Variants in CDON observed in about 807,000 individuals in gnomAD.
CDON encodes cell adhesion molecule-related/down-regulated by oncogenes.
A neutral mutation model predicts 120.9 loss-of-function variants in CDON; 73 were observed. The observed-to-expected ratio is 0.60, with a 90% confidence interval of 0.50 to 0.73. The LOEUF is 0.73. CDON is among the 30% of genes least tolerant of loss of function. CDON has a pLI of 0.00. For missense variants in CDON, 1,470 were observed against 1,587.3 expected, an observed-to-expected ratio of 0.93 and a Z score of 1.26; for synonymous variants, 566 against 573.5, an observed-to-expected ratio of 0.99 and a Z score of 0.19.
chr11:125,964,990 G>A lies in CDON; in HGVS notation c.3357-2992C>T, dbSNP rs373073714. Among the ~76,000 whole-genome samples the A allele has an allele frequency of 2.0e-4, 31 of 152,264 alleles. No individual in the cohort carries two copies. In the East Asian group the frequency reaches 2.9e-3, roughly 14 times the overall value. On this transcript the variant is annotated intron_variant, in intron 18 of 19. Coordinates refer to ENST00000531738, the MANE Select transcript of CDON (RefSeq NM_001378964.1). ...TGCCCAGGCTGGAGTGCAATGGAGT[G>A]ATCTCAGTTCACTGCAACCTCCGCC...
intron 1 of CDON, among the ~76,000 whole-genome samples, chr11:126,054,292 C>A (rs180974793): frequency 5.5e-4 from 83 of 152,238 alleles, no homozygotes; most frequent in African/African-American, 1.5e-3. Context: ...TACAAAAAGA[C>A]AAAACATGAC....
chr11:126,007,943 G>A (rs1947174329), intron 8 of CDON, among the ~76,000 whole-genome samples: 1 of 152,156 alleles, frequency 6.6e-6, no homozygotes, highest in Admixed American at 6.5e-5. Context: ...TTTTAAGGTA[G>A]AATGTTTTTT....
intron 15 of CDON, among the ~76,000 whole-genome samples, chr11:125,985,751 C>A (rs1170136073): frequency 6.6e-6 from 1 of 152,076 alleles, no homozygotes; most frequent in Admixed American, 6.5e-5. Context: ...AAATGCAAAT[C>A]AAAACCACAA....
intron 1 of CDON, among the ~76,000 whole-genome samples, chr11:126,053,204 T>C (rs1591436639): frequency 6.6e-6 from 1 of 152,240 alleles, no homozygotes; most frequent in East Asian, 1.9e-4. Context: ...ATGACCCCAT[T>C]TAAAAAGGCG....
At chr11:125,973,081 T>A (rs972733783) in intron 18 of CDON, among the ~76,000 whole-genome samples, 3 of 141,812 alleles carry the variant, frequency 2.1e-5, no homozygotes, top group Non-Finnish European at 3.0e-5. Flanking sequence ...TCCTTCTAAA[T>A]CCTAATTCTC....
chr11:125,969,535 T>C (rs930354262), intron 18 of CDON, among the ~76,000 whole-genome samples: 9 of 152,226 alleles, frequency 5.9e-5, no homozygotes, highest in Non-Finnish European at 1.2e-4. Context: ...GCTTCTCAAA[T>C]GGTCTTTCAA....
intron 14 of CDON, among the ~76,000 whole-genome samples, chr11:125,990,643 T>A (rs570238894): frequency 1.3e-5 from 2 of 152,234 alleles, no homozygotes; most frequent in South Asian, 4.1e-4. Context: ...GATTTAAGAA[T>A]TAATTAAAGG....
In CDON at chr11:126,021,511, G is replaced by A. The variant is rs879232982; in HGVS notation, c.86C>T (p.Pro29Leu). 3 of 1,613,802 alleles carry A rather than the reference G, an allele frequency of 1.9e-6. No individual in the cohort carries two copies. The highest frequency in any genetic ancestry group is 2.5e-6 in the Non-Finnish European group (3 of 1,179,906). ...LCSSVSSDLA[P>L]YFTSEPLSAV... ...AGAGAGCGGCTCAGAAGTAAAATAA[G>A]GTGCCAAGTCTACAAGGGAATATTC... The change falls in exon 3 of 20, where the codon CCT becomes CTT. Residue 29 changes from proline (P) to leucine (L), a missense_variant. Coordinates refer to ENST00000531738, the MANE Select transcript of CDON (RefSeq NM_001378964.1).
Position 125,981,329 on chromosome 11 carries a change from T to C in CDON, c.2996A>G (p.Lys999Arg). Residue 999 changes from lysine (K) to arginine (R), a missense_variant and splice_region_variant, in exon 17 of 20, where the codon AAA (lysine) becomes AGA (arginine). Lys to Arg is a conservative substitution (Grantham distance 26). Transcript: ENST00000531738. ...WKNRQQNTIQ[K>R]YDPPGYLYQG... ...GTAGAGATATCCTGGTGGGTCATAT[T>C]CTGTTAAAAGAGAACAAAAAAGACA... is the stretch of plus-strand genomic sequence containing the variant. The C allele has an allele frequency of 6.2e-7, 1 of 1,612,106 alleles. No homozygotes were observed. Among genetic ancestry groups the C allele is most frequent in the Non-Finnish European group, 8.5e-7 (1 of 1,179,984 alleles).
chr11:125,978,261 T>G, intron 18 of CDON, 43 bp downstream of exon 18: 1 of 1,042,368 alleles, frequency 9.6e-7, no homozygotes, highest in South Asian at 1.3e-5. Flanking sequence ...AGGATGCATA[T>G]GCCTTATTCA....
At chr11:126,055,488 TA>T (rs1403350819) in intron 1 of CDON, among the ~76,000 whole-genome samples, 1 of 152,246 alleles carries the variant, frequency 6.6e-6, no homozygotes, top group Non-Finnish European at 1.5e-5. Context: ...TAAAGTACTA[TA>T]TTTACAGATA....
At chr11:126,043,038 T>C (rs748837668) in intron 1 of CDON, among the ~76,000 whole-genome samples, 70 of 152,322 alleles carry the variant, frequency 4.6e-4, no homozygotes, top group Non-Finnish European at 7.9e-4. Flanking sequence ...TTTCGACACC[T>C]AAGTAACAAA....
At chr11:126,003,510 T>C (rs1157516295) in intron 10 of CDON, among the ~76,000 whole-genome samples, 2 of 152,138 alleles carry the variant, frequency 1.3e-5, no homozygotes, top group African/African-American at 2.4e-5. Flanking sequence ...AATTTACATA[T>C]AGGAATTTCT....
At chr11:125,983,825 C>T in intron 16 of CDON, 47 bp downstream of exon 16, 1 of 1,348,398 alleles carries the variant, frequency 7.4e-7, no homozygotes, top group Non-Finnish European at 1.1e-6. Flanking sequence ...CAATATTTGT[C>T]TACCCACCTT....
At chr11:126,040,913 G>A (rs1948243731) in intron 1 of CDON, among the ~76,000 whole-genome samples, 1 of 150,064 alleles carries the variant, frequency 6.7e-6, no homozygotes, top group South Asian at 2.1e-4. Context: ...TGGGCAGGCT[G>A]GGCACAGTGG....
chr11:126,001,924 A>G, intron 10 of CDON, 74 bp from the exon 11 acceptor site: 1 of 1,076,550 alleles, frequency 9.3e-7, no homozygotes, highest in South Asian at 1.3e-5. Context: ...GAGTACTGTG[A>G]AACTTACCTG....
chr11:126,022,511 G>C (rs550822738), intron 2 of CDON, among the ~76,000 whole-genome samples: 20 of 152,288 alleles, frequency 1.3e-4, no homozygotes, highest in African/African-American at 1.9e-4. Flanking sequence ...TATCCATGCA[G>C]ATCCTTCTGT....
chr11:125,977,922 C>T (rs1354273817), intron 18 of CDON, among the ~76,000 whole-genome samples: 1 of 151,992 alleles, frequency 6.6e-6, no homozygotes, highest in Non-Finnish European at 1.5e-5. Context: ...CCCCCCTCCC[C>T]CCAACACTCA....
intron 1 of CDON, among the ~76,000 whole-genome samples, chr11:126,054,117 C>A (rs1377432023): frequency 1.3e-5 from 2 of 152,144 alleles, no homozygotes; most frequent in Non-Finnish European, 2.9e-5. Flanking sequence ...GCAGTGTGTA[C>A]AATTACTCAC....
Sources: allele counts gnomAD v4.1 joint callset (sites outside exome capture counted in the v4.1 genomes callset), GRCh38; gene constraint gnomAD v4.1.1; transcripts MANE v1.5; gene names NCBI Gene and HGNC (gene_info 2026-07-23, HGNC 2026-07-21).